The following TTC7A variants were observed in gnomAD, a reference collection of about 807,000 sequenced individuals.
TTC7A encodes the protein tetratricopeptide repeat protein 7A.
Under a neutral mutation model 103.7 loss-of-function variants are expected in TTC7A, and 110 were observed. The observed-to-expected ratio is 1.06, with a 90% CI of 0.91 to 1.24. The LOEUF is 1.24. Among genes scored for constraint, TTC7A ranks in the 50% most tolerant of loss-of-function variants. TTC7A has a pLI of 0.00. For missense variants in TTC7A, 1,340 were observed against 1,116.3 expected (o/e 1.20, Z -2.86); for synonymous variants, 521 against 467.9 (o/e 1.11, Z -1.47).
chr2:47,014,638 G>T (rs1286530292), intron 11 of TTC7A, among the ~76,000 whole-genome samples: 4 of 152,162 alleles, frequency 2.6e-5, no homozygotes, highest in Admixed American at 2.6e-4. Context: ...GCATGAGACA[G>T]GGCACAGATC....
At chr2:46,927,143 T>A (rs568419605) in intron 2 of TTC7A, among the ~76,000 whole-genome samples, 1 of 151,506 alleles carries the variant, frequency 6.6e-6, no homozygotes, top group East Asian at 1.9e-4. Flanking sequence ...GTAGTTGGAG[T>A]CACAGGAGGA....
At chr2:46,958,056 A>G (rs1213560561) in intron 3 of TTC7A, among the ~76,000 whole-genome samples, 1 of 152,024 alleles carries the variant, frequency 6.6e-6, no homozygotes. Flanking sequence ...CTGGCCTTGG[A>G]GTGTGAGTCC....
intron 14 of TTC7A, among the ~76,000 whole-genome samples, chr2:47,025,285 G>A (rs768619174): frequency 6.6e-6 from 1 of 152,188 alleles, no homozygotes; most frequent in Non-Finnish European, 1.5e-5. Flanking sequence ...GCGGGCCACA[G>A]CAGTCCCATT....
Position 47,023,439 on chromosome 2 carries a change from C to T in TTC7A, c.1542C>T (p.His514=). ...TGAAGTCCAAGCAAGATGAATTGCA[C>T]CGGAAGGCACTGCAGACGCTGGAGA... The part of the protein sequence containing the change: ...ATLKSKQDEL[H]RKALQTLERA... Residue 514 remains histidine, a synonymous_variant, in exon 13 of 20, where the codon CAC becomes CAT. Transcript: ENST00000319190. 7.4e-6 allele frequency: 12 copies of T among 1,614,110 alleles called. No homozygotes were observed. Among genetic ancestry groups the T allele is most frequent in the Non-Finnish European group, 1.0e-5 (12 of 1,180,022 alleles).
At chr2:47,026,162 G>A (rs2104574193) in intron 14 of TTC7A, among the ~76,000 whole-genome samples, 1 of 152,278 alleles carries the variant, frequency 6.6e-6, no homozygotes, top group South Asian at 2.1e-4. Context: ...GTAAGCTAGA[G>A]TCCTAGCCTG....
At chr2:47,020,447 A>G (rs1978743) in intron 11 of TTC7A, among the ~76,000 whole-genome samples, 77,739 of 152,068 alleles carry the variant, frequency 0.51, 20,013 homozygotes, top group East Asian at 0.57. Flanking sequence ...GGCCTCCCAT[A>G]AGCCCTGGGT....
intron 15 of TTC7A, among the ~76,000 whole-genome samples, chr2:47,040,017 T>A (rs1045329042): frequency 4.6e-5 from 7 of 152,180 alleles, no homozygotes; most frequent in African/African-American, 1.7e-4. Context: ...TGCCCCTGGG[T>A]GCTGCATCAT....
intron 13 of TTC7A, among the ~76,000 whole-genome samples, chr2:47,023,807 C>T (rs1398421738): frequency 6.6e-6 from 1 of 152,084 alleles, no homozygotes; most frequent in Non-Finnish European, 1.5e-5. Context: ...GTAACAGGGG[C>T]TCAAAAATGG....
chr2:47,046,255 T>A, intron 15 of TTC7A, 60 bp from the exon 16 acceptor site: 1 of 1,349,388 alleles, frequency 7.4e-7, no homozygotes, highest in Non-Finnish European at 1.1e-6. Context: ...TGGGGCAGGA[T>A]CCCCAGGTGA....
Position 47,073,773 on chromosome 2 carries a change from G to C in TTC7A, c.2427G>C (p.Gln809His). The change falls in exon 20 of 20, where the codon CAG becomes CAC. Residue 809 changes from glutamine to histidine, a missense_variant. Gln to His is a conservative substitution (Grantham distance 24). Coordinates refer to ENST00000319190, the MANE Select transcript of TTC7A (RefSeq NM_020458.4). ...TGCTTCGTGATGCCGTGGAGAGGCA[G>C]AGTACGTGCCACGAGGCGTGGCAGG... ...QKVLRDAVER[Q>H]STCHEAWQGL... 6.2e-7 allele frequency: 1 copy of C among 1,613,874 alleles called. No homozygotes were observed. The highest frequency in any genetic ancestry group is 8.5e-7 in the Non-Finnish European group (1 of 1,180,032).
At chr2:46,994,229 G>A in intron 6 of TTC7A, 128 bp from the exon 7 acceptor site, 2 of 1,133,944 alleles carry the variant, frequency 1.8e-6, no homozygotes, top group Non-Finnish European at 1.2e-6. Flanking sequence ...TGGGGTTGGG[G>A]AGTTTACCCA....
At chr2:46,957,800 G>A (rs1178620831) in intron 3 of TTC7A, among the ~76,000 whole-genome samples, 1 of 152,198 alleles carries the variant, frequency 6.6e-6, no homozygotes, top group Admixed American at 6.5e-5. Context: ...CCTGCTGTCC[G>A]GAATCTTGGA....
intron 3 of TTC7A, among the ~76,000 whole-genome samples, chr2:46,963,168 A>G (rs150714574): frequency 6.6e-6 from 1 of 152,306 alleles, no homozygotes; most frequent in East Asian, 1.9e-4. Flanking sequence ...TTGTCTCCTA[A>G]TAGAATCTGG....
intron 3 of TTC7A, among the ~76,000 whole-genome samples, chr2:46,961,248 T>C (rs1197866584): frequency 6.6e-6 from 1 of 152,208 alleles, no homozygotes; most frequent in African/African-American, 2.4e-5. Flanking sequence ...CTTGTTTGTT[T>C]GGTAAAAAGG....
At chr2:47,050,220 G>A (rs959708961) in intron 17 of TTC7A, 174 bp downstream of exon 17, 1 of 613,834 alleles carries the variant, frequency 1.6e-6, no homozygotes, top group African/African-American at 1.8e-5. Flanking sequence ...GGTAGGGGCT[G>A]GCTGCTGGTC....
At chr2:46,928,459 TAAAAAAAAAAAAA>T (rs35897582) in intron 2 of TTC7A, among the ~76,000 whole-genome samples, 1 of 81,976 alleles carries the variant, frequency 1.2e-5, no homozygotes, top group African/African-American at 3.8e-5. Context: ...AAAGGGAAAT[TAAAAAAAAAAAAA>T]AAAAAAAAAA....
At chr2:47,067,214 T>C (rs1684250542) in intron 19 of TTC7A, among the ~76,000 whole-genome samples, 1 of 152,224 alleles carries the variant, frequency 6.6e-6, no homozygotes, top group Non-Finnish European at 1.5e-5. Flanking sequence ...CTGGCTCAGT[T>C]TTTTCTGCTA....
chr2:47,041,419 C>T (rs1412190918), intron 15 of TTC7A, among the ~76,000 whole-genome samples: 1 of 152,112 alleles, frequency 6.6e-6, no homozygotes, highest in African/African-American at 2.4e-5. Context: ...ATCCATAGGC[C>T]GGGCTGGCTG....
intron 18 of TTC7A, among the ~76,000 whole-genome samples, chr2:47,053,547 G>GTTTGTTTGTTTGT (rs1553410727): frequency 5.5e-5 from 4 of 72,380 alleles, no homozygotes; most frequent in Non-Finnish European, 9.6e-5. Context: ...TGTTTGTTTG[G>GTTTGTTTGTTTGT]TTGGTTGGTT....
Sources: gnomAD v4.1 joint callset for allele counts (sites outside exome capture counted in the v4.1 genomes callset) on GRCh38, gnomAD v4.1.1 for gene constraint, MANE v1.5 for transcripts, NCBI Gene and HGNC (gene_info 2026-07-23, HGNC 2026-07-21) for gene names.